The following LANCL3 variants were observed in gnomAD, a reference collection of about 807,000 sequenced individuals.
The protein encoded by LANCL3 is lanC-like protein 3.
In LANCL3, 19 loss-of-function variants were observed where a neutral mutation model predicts 26.5. The ratio of observed to expected loss-of-function variants is 0.72; its 90% CI spans 0.50 to 1.05. The LOEUF is 1.05. Among genes scored for constraint, LANCL3 ranks in the 50% least tolerant of loss-of-function variants. LANCL3 has a pLI of 0.00. For synonymous variants in LANCL3, 160 were observed against 166.6 expected, an observed-to-expected ratio of 0.96 and a Z score of 0.30; for missense variants, 318 against 362.7, an observed-to-expected ratio of 0.88 and a Z score of 1.00.
At chrX:37,618,148 C>T (rs1449173154) in intron 1 of LANCL3, among the ~76,000 whole-genome samples, 1 of 112,174 alleles carries the variant, frequency 8.9e-6, no homozygotes, top group African/African-American at 3.2e-5. Flanking sequence ...ACAAGGCATT[C>T]ATCAAGGTCC....
At chrX:37,635,837 A>G (rs144430360) in intron 1 of LANCL3, among the ~76,000 whole-genome samples, 1,911 of 110,770 alleles carry the variant, frequency 0.017, 41 homozygotes, top group African/African-American at 0.057. Flanking sequence ...TCAAGGGTAC[A>G]TGTGTAGGTT....
chrX:37,676,725 C>T lies in LANCL3; in HGVS notation c.*912C>T, dbSNP rs1238800419. ...AAGATCAGGGGAACCACTACAAAGA[C>T]GTGTCATTTCTGCCTTTGTTTGGGA... On this transcript the variant is annotated 3_prime_UTR_variant, in exon 5 of 5. Transcript: ENST00000378619. 1.8e-5 allele frequency: 2 copies of T among 111,893 alleles called. No individual in the cohort carries two copies. Among genetic ancestry groups the T allele is most frequent in the East Asian group, 2.8e-4 (1 of 3,579 alleles). The allele number at this position is 111,893 out of a possible 1,213,427, so 9.2% of individuals were successfully genotyped here.
In LANCL3 at chrX:37,655,666, A is replaced by G. The variant is rs371118851; in HGVS notation, c.574-22A>G. 9.4e-6 allele frequency: 11 copies of G among 1,174,453 alleles called. No homozygotes were observed. In the African/African-American group the frequency reaches 1.6e-4, roughly 17 times the overall value. On this transcript the variant is annotated intron_variant, in intron 1 of 4. Coordinates refer to ENST00000378619, the MANE Select transcript of LANCL3 (RefSeq NM_001170331.2). ...AAAAGGAGATCCTGCTTTGACTTCT[A>G]CTTCTGGATTTCCTTATTCAGGTGC...
chrX:37,667,408 A>G lies in LANCL3; in HGVS notation c.1022A>G (p.His341Arg). 8.3e-7 allele frequency: 1 copy of G among 1,202,755 alleles called. No homozygotes were observed. The highest frequency in any genetic ancestry group is 1.1e-6 in the Non-Finnish European group (1 of 891,470). ...CTAAAGAAGGGGCCTGGGATTTGCC[A>G]TGGAGTAGCCGGCAGTGCCTATGTC... The part of the protein sequence containing the change: ...GLLKKGPGIC[H>R]GVAGSAYVFL... The change falls in exon 4 of 5, where the codon CAT (histidine) becomes CGT (arginine). Residue 341 changes from histidine to arginine, a missense_variant. Transcript: ENST00000378619.
intron 1 of LANCL3, among the ~76,000 whole-genome samples, chrX:37,625,600 G>A (rs1204951393): frequency 9.0e-6 from 1 of 111,325 alleles, no homozygotes; most frequent in African/African-American, 3.3e-5. Context: ...CCCCAGAGTC[G>A]AGACTCACAA....
chrX:37,664,549 TTTA>T (rs1381635245), intron 3 of LANCL3, among the ~76,000 whole-genome samples: 1 of 111,329 alleles, frequency 9.0e-6, no homozygotes, highest in Non-Finnish European at 1.9e-5. Context: ...AATTAACCAC[TTTA>T]TTATTTTTTA....
intron 1 of LANCL3, among the ~76,000 whole-genome samples, chrX:37,604,710 T>G (rs1180879987): frequency 2.7e-5 from 3 of 112,309 alleles, no homozygotes; most frequent in African/African-American, 9.7e-5. Context: ...GCAAAGCCTC[T>G]TAAGTTTGGA....
chrX:37,600,207 A>C (rs947751266), intron 1 of LANCL3, among the ~76,000 whole-genome samples: 2 of 111,977 alleles, frequency 1.8e-5, no homozygotes, highest in African/African-American at 6.5e-5. Context: ...CATAACTTTT[A>C]TTACAGTATA....
chrX:37,671,365 G>A (rs888242192), intron 4 of LANCL3, among the ~76,000 whole-genome samples: 3 of 111,211 alleles, frequency 2.7e-5, no homozygotes, highest in Non-Finnish European at 3.8e-5. Context: ...ATGTTTTACC[G>A]TGGTCTTTTA....
chrX:37,599,008 T>C (rs1255726017), intron 1 of LANCL3, among the ~76,000 whole-genome samples: 1 of 112,412 alleles, frequency 8.9e-6, no homozygotes, highest in Non-Finnish European at 1.9e-5. Context: ...TATCTTGGAA[T>C]TGATAAAATT....
intron 1 of LANCL3, among the ~76,000 whole-genome samples, chrX:37,603,645 A>G (rs782441501): frequency 1.8e-5 from 2 of 112,608 alleles, no homozygotes; most frequent in Non-Finnish European, 3.8e-5. Flanking sequence ...AATCATGCCT[A>G]CATTCCACTG....
chrX:37,626,675 A>AGAT (rs1366845453), intron 1 of LANCL3, among the ~76,000 whole-genome samples: 1 of 111,717 alleles, frequency 9.0e-6, no homozygotes, highest in East Asian at 2.8e-4. Context: ...GAAGACTTCA[A>AGAT]GATAGTTTCA....
At chrX:37,602,402 T>C (rs1238836498) in intron 1 of LANCL3, among the ~76,000 whole-genome samples, 1 of 111,977 alleles carries the variant, frequency 8.9e-6, no homozygotes, top group Admixed American at 9.5e-5. Flanking sequence ...TAATTATCAT[T>C]AGAATGCCTC....
chrX:37,615,104 G>A (rs782026913), intron 1 of LANCL3, among the ~76,000 whole-genome samples: 18 of 112,089 alleles, frequency 1.6e-4, no homozygotes, highest in Admixed American at 2.8e-4. Context: ...CCTCACAGAT[G>A]GTAAATTGTA....
intron 1 of LANCL3, among the ~76,000 whole-genome samples, chrX:37,635,779 C>T (rs1318815983): frequency 9.1e-6 from 1 of 109,623 alleles, no homozygotes; most frequent in Non-Finnish European, 1.9e-5. Flanking sequence ...CACTATGTAC[C>T]CTATGAATAT....
chrX:37,611,695 G>A (rs1474194809), intron 1 of LANCL3, among the ~76,000 whole-genome samples: 1 of 111,838 alleles, frequency 8.9e-6, no homozygotes, highest in Non-Finnish European at 1.9e-5. Flanking sequence ...ATACTGAGGA[G>A]CTTCAGAGCA....
chrX:37,637,437 G>A (rs543956892), intron 1 of LANCL3, among the ~76,000 whole-genome samples: 67 of 111,923 alleles, frequency 6.0e-4, no homozygotes, highest in African/African-American at 2.0e-3. Context: ...ACATGTCAGT[G>A]TAAATATGCT....
At chrX:37,641,524 T>A (rs1404300473) in intron 1 of LANCL3, among the ~76,000 whole-genome samples, 1 of 110,678 alleles carries the variant, frequency 9.0e-6, no homozygotes, top group Non-Finnish European at 1.9e-5. Context: ...CTGCTTCCTC[T>A]ACATCCAAGG....
At chrX:37,615,056 G>T (rs1197406616) in intron 1 of LANCL3, among the ~76,000 whole-genome samples, 1 of 111,990 alleles carries the variant, frequency 8.9e-6, no homozygotes, top group African/African-American at 3.2e-5. Flanking sequence ...TTACGGTGAA[G>T]AAACTGAGGC....
Sources: gnomAD v4.1 joint callset for allele counts (sites outside exome capture counted in the v4.1 genomes callset) on GRCh38, gnomAD v4.1.1 for gene constraint, MANE v1.5 for transcripts, NCBI Gene and HGNC (gene_info 2026-07-23, HGNC 2026-07-21) for gene names.